STAG3: variants seen among roughly 807,000 people sequenced by gnomAD.
STAG3 encodes STAG3 cohesin complex component, also known as cohesin subunit SA-3.
In STAG3, 101 loss-of-function variants were observed where a neutral mutation model predicts 160.7. The observed-to-expected ratio is 0.63, with a 90% confidence interval of 0.54 to 0.74. STAG3 has a LOEUF of 0.74. Ranked by LOEUF, STAG3 falls within the 30% of genes least tolerant of loss-of-function variation. The pLI, the probability that STAG3 is intolerant of heterozygous loss-of-function variation, is 0.00. For missense variants in STAG3, 1,188 were observed against 1,517.4 expected (o/e 0.78, Z 3.61); for synonymous variants, 519 against 585.0 (o/e 0.89, Z 1.63).
In STAG3 at chr7:100,197,886, G is replaced by C. The variant is rs762665335; in HGVS notation, c.1164+10G>C. ...CACCAGCCGCTTCAAGGTAAAATGG[G>C]TGGTGCTCCATGGCTTGGCTCTTTG... On this transcript the variant is annotated intron_variant, in intron 11 of 33. Coordinates refer to ENST00000615138, the MANE Select transcript of STAG3 (RefSeq NM_001282717.2). 6.2e-7 allele frequency: 1 copy of C among 1,611,468 alleles called. No individual in the cohort carries two copies. Among genetic ancestry groups the C allele is most frequent in the Non-Finnish European group, 8.5e-7 (1 of 1,177,824 alleles).
At chr7:100,208,454 G>A (rs1801863997) in intron 29 of STAG3, among the ~76,000 whole-genome samples, 1 of 152,214 alleles carries the variant, frequency 6.6e-6, no homozygotes, top group African/African-American at 2.4e-5. Context: ...TTGTACAAGT[G>A]AATGCTGTAG....
intron 29 of STAG3, among the ~76,000 whole-genome samples, chr7:100,206,494 C>T (rs909070499): frequency 4.7e-5 from 7 of 148,948 alleles, no homozygotes; most frequent in Non-Finnish European, 8.9e-5. Context: ...TTTTTTGAGA[C>T]GGAATCTCGC....
chr7:100,212,142 CGAACCCCCTAGGAATTG>C, intron 32 of STAG3: 1 of 346,558 alleles, frequency 2.9e-6, no homozygotes, highest in South Asian at 3.7e-5. Context: ...TTGTTGCCTC[CGAACCCCCTAGGAATTG>C]GAAGGAGTCC....
chr7:100,210,112 C>G (rs1008101571), intron 29 of STAG3, among the ~76,000 whole-genome samples: 1 of 152,156 alleles, frequency 6.6e-6, no homozygotes, highest in African/African-American at 2.4e-5. Context: ...AGGGCCCAGC[C>G]CTCGGGCATC....
Position 100,205,122 on chromosome 7 carries a change from C to T in STAG3, c.3069C>T (p.Asp1023=), listed in dbSNP as rs1296871771. The part of the protein sequence containing the change: ...SEFSPRLFHQ[D]KQLLLSYLEK... ...TTTCCCCCCGACTCTTCCATCAGGA[C>T]AAGCAGCTTTTGTAAGTTGGTGGGT... The change falls in exon 28 of 34, where the codon GAC becomes GAT. Residue 1023 remains aspartate (D), a synonymous_variant. Coordinates refer to ENST00000615138, the MANE Select transcript of STAG3 (RefSeq NM_001282717.2). The T allele has an allele frequency of 1.9e-6, 3 of 1,614,138 alleles. No individual in the cohort carries two copies. The highest frequency in any genetic ancestry group is 1.7e-5 in the Admixed American group (1 of 60,024).
At position 100,207,942 on chromosome 7, in the gene STAG3, C is replaced by T. The variant is rs1801811098; in HGVS notation, c.3238+2558C>T. On this transcript the variant is annotated intron_variant, in intron 29 of 33. Transcript: ENST00000615138. The surrounding 1 kb of genome is among the most constrained non-coding windows in gnomAD (Gnocchi z 4.0). ...CCATCCTGGCTAACACGGTGAAACC[C>T]CGTCTCTACTAAAAATACAAAAAAT... Among the ~76,000 whole-genome samples the T allele has an allele frequency of 6.6e-6, 1 of 151,820 alleles. No individual in the cohort carries two copies. The highest frequency in any genetic ancestry group is 1.9e-4 in the East Asian group (1 of 5,192).
downstream of STAG3, chr7:100,215,252 C>G (rs1264037725): frequency 6.6e-6 from 1 of 152,198 alleles, no homozygotes. Context: ...TCAGACACAG[C>G]CATCCAGCTA....
At chr7:100,200,082 A>AAT (rs35046891) in intron 16 of STAG3, 154 bp from the exon 17 acceptor site, 1 of 563,860 alleles carries the variant, frequency 1.8e-6, no homozygotes, top group Admixed American at 3.1e-5. Context: ...AAAAAAAAAA[A>AAT]GGAGTTTCAT....
intron 32 of STAG3, 153 bp downstream of exon 32, chr7:100,212,029 G>A (rs917084277): frequency 4.7e-6 from 3 of 638,142 alleles, no homozygotes; most frequent in South Asian, 2.3e-5. Context: ...ATGTTGGTTT[G>A]GACTTTGCTT....
At chr7:100,199,088 G>A in intron 14 of STAG3, 131 bp downstream of exon 14, 1 of 970,826 alleles carries the variant, frequency 1.0e-6, no homozygotes, top group Non-Finnish European at 1.6e-6. Flanking sequence ...CCAGGAGTTT[G>A]AGACCAGCCT....
rs779780283 is a variant in STAG3 at position 100,182,751 on chromosome 7, G to A, written c.248G>A (p.Arg83Gln). 1.1e-5 allele frequency: 17 copies of A among 1,613,596 alleles called. No homozygotes were observed. Among genetic ancestry groups the A allele is most frequent in the East Asian group, 4.5e-5 (2 of 44,886 alleles). Residue 83 changes from arginine (R) to glutamine (Q), a missense_variant, in exon 4 of 34, where the codon CGA becomes CAA. Around this residue, in one of 4 missense-constraint regions of STAG3, gnomAD observed 296 missense variants for 404.0 expected, o/e 0.73. Coordinates refer to ENST00000615138, the MANE Select transcript of STAG3 (RefSeq NM_001282717.2). ...PVAKHPKKGS[R>Q]VVHRHSRKQS... ...GCAAAACATCCAAAGAAAGGGTCCC[G>A]AGTGGTACATCGTCATAGCCGGAAA... is the stretch of plus-strand genomic sequence containing the variant.
chr7:100,197,600 C>T, intron 10 of STAG3, 178 bp from the exon 11 acceptor site: 3 of 675,616 alleles, frequency 4.4e-6, no homozygotes, highest in South Asian at 3.5e-5. Flanking sequence ...TGCTGTGATC[C>T]TTTTGTTTTT....
intron 5 of STAG3, among the ~76,000 whole-genome samples, chr7:100,187,352 T>C (rs1014521644): frequency 1.4e-4 from 21 of 151,688 alleles, no homozygotes; most frequent in East Asian, 1.9e-4. Context: ...TTTTTGTCGT[T>C]GTTGTTGTTG....
At chr7:100,191,584 TA>T (rs922669786) in intron 8 of STAG3, among the ~76,000 whole-genome samples, 13 of 152,240 alleles carry the variant, frequency 8.5e-5, no homozygotes, top group African/African-American at 2.9e-4. Context: ...AATTTAGAAA[TA>T]TTTTATTGCT....
At position 100,182,776 on chromosome 7, in the gene STAG3, A is replaced by G. The variant is rs1554403380; in HGVS notation, c.273A>G (p.Lys91=). ...GSRVVHRHSR[K]QSEPPANDLF... ...GAGTGGTACATCGTCATAGCCGGAA[A>G]CAGTCAGAGCCACCAGCCAATGATC... Residue 91 remains lysine, a synonymous_variant, in exon 4 of 34, where the codon AAA becomes AAG. Coordinates refer to ENST00000615138, the MANE Select transcript of STAG3 (RefSeq NM_001282717.2). 2 of 1,614,022 alleles carry G rather than the reference A, an allele frequency of 1.2e-6. No individual in the cohort carries two copies. The highest frequency in any genetic ancestry group is 8.5e-7 in the Non-Finnish European group (1 of 1,179,916).
At position 100,203,412 on chromosome 7, in the gene STAG3, A is replaced by C. The variant is rs552792339; in HGVS notation, c.2701-609A>C. 1.1e-3 allele frequency among the ~76,000 whole-genome samples: 162 copies of C among 152,056 alleles called. 1 individual carries two copies. Among genetic ancestry groups the C allele is most frequent in the African/African-American group, 3.7e-3 (152 of 41,506 alleles). On this transcript the variant is annotated intron_variant, in intron 25 of 33. Coordinates refer to ENST00000615138, the MANE Select transcript of STAG3 (RefSeq NM_001282717.2). ...TCGCCAGGATGGTCTTGATCTCCTG[A>C]CCTTGTGATCCGCCCAACTTGGCCT...
chr7:100,181,720 G>T (rs1285330955), intron 2 of STAG3, among the ~76,000 whole-genome samples: 1 of 152,256 alleles, frequency 6.6e-6, no homozygotes, highest in South Asian at 2.1e-4. Context: ...GGCCGAGGCG[G>T]GTGGATCACC....
rs750181986 is a variant in STAG3 at position 100,199,656 on chromosome 7, G to A, written c.1677+12G>A. ...TCACTGGGAGGAAGGTATGGTGTGA[G>A]GGTAGAGTGGGTAGGTCAGCAATAC... On this transcript the variant is annotated intron_variant, in intron 16 of 33. Coordinates refer to ENST00000615138, the MANE Select transcript of STAG3 (RefSeq NM_001282717.2). The A allele has an allele frequency of 3.7e-5, 58 of 1,558,076 alleles. No individual in the cohort carries two copies. The highest frequency in any genetic ancestry group is 4.9e-5 in the Non-Finnish European group (56 of 1,148,708).
intron 1 of STAG3, 33 bp from the exon 2 acceptor site, chr7:100,180,460 T>G (rs1034292223): frequency 4.0e-6 from 3 of 745,198 alleles, no homozygotes; most frequent in Non-Finnish European, 7.3e-6. Context: ...AGAAGTGCTG[T>G]GGTAGGAGCC....
Sources: allele counts gnomAD v4.1 joint callset (sites outside exome capture counted in the v4.1 genomes callset), GRCh38; gene constraint gnomAD v4.1.1; regional missense constraint gnomAD v4.1.1; non-coding constraint Gnocchi (gnomAD v3.1); transcripts MANE v1.5; gene names NCBI Gene and HGNC (gene_info 2026-07-23, HGNC 2026-07-21).